TAS2R1: variants seen among roughly 807,000 people sequenced by gnomAD.
The protein encoded by TAS2R1 is taste 2 receptor member 1, also known as taste receptor type 2 member 1.
For synonymous variants in TAS2R1, 141 were observed against 134.2 expected (o/e 1.05, Z -0.35); for missense variants, 370 against 353.4 (o/e 1.05, Z -0.38).
chr5:9,819,803 C>A, the TAS2R1 span, among the ~76,000 whole-genome samples: 2 of 152,130 alleles, frequency 1.3e-5, no homozygotes, highest in African/African-American at 4.8e-5. Flanking sequence ...TTTTCAGTTC[C>A]TTGCCATCTA....
chr5:9,753,094 T>G, the TAS2R1 span, among the ~76,000 whole-genome samples: 6 of 152,204 alleles, frequency 3.9e-5, no homozygotes, highest in African/African-American at 1.4e-4. Context: ...AAATGGTATT[T>G]CTAGTTCTAG....
the TAS2R1 span, among the ~76,000 whole-genome samples, chr5:9,751,745 T>G: frequency 2.0e-5 from 3 of 152,218 alleles, no homozygotes; most frequent in Non-Finnish European, 4.4e-5. Context: ...AACCAGTAAT[T>G]GTTATGCACA....
the TAS2R1 span, among the ~76,000 whole-genome samples, chr5:9,845,970 A>G: frequency 6.6e-6 from 1 of 152,260 alleles, no homozygotes; most frequent in African/African-American, 2.4e-5. Flanking sequence ...AAAGGAATAA[A>G]TGAAAACATA....
chr5:9,895,626 C>T, the TAS2R1 span, among the ~76,000 whole-genome samples: 1 of 152,204 alleles, frequency 6.6e-6, no homozygotes, highest in Non-Finnish European at 1.5e-5. Flanking sequence ...GGACAATAAC[C>T]ATCAGAGATC....
the TAS2R1 span, among the ~76,000 whole-genome samples, chr5:9,902,292 T>A: frequency 1.3e-5 from 2 of 152,088 alleles, no homozygotes. Flanking sequence ...ACTACCACAC[T>A]GTGGACATGT....
At chr5:9,667,041 A>T (rs1740648705) in intron 1 of TAS2R1, among the ~76,000 whole-genome samples, 1 of 152,204 alleles carries the variant, frequency 6.6e-6, no homozygotes, top group Admixed American at 6.5e-5. Flanking sequence ...CCAAAATAAA[A>T]CTACATGAGA....
At chr5:9,712,605 C>T (rs1261457507), upstream of TAS2R1, among the ~76,000 whole-genome samples, 1 of 152,188 alleles carries the variant, frequency 6.6e-6, no homozygotes, top group East Asian at 1.9e-4. Context: ...ATGTGGAATT[C>T]AGACTCCAGA....
At chr5:9,879,105 C>T in the TAS2R1 span, among the ~76,000 whole-genome samples, 2 of 152,212 alleles carry the variant, frequency 1.3e-5, no homozygotes, top group Non-Finnish European at 2.9e-5. Context: ...AGGAACTTGC[C>T]TTGGGGCATG....
the TAS2R1 span, among the ~76,000 whole-genome samples, chr5:9,766,663 G>A: frequency 3.3e-5 from 5 of 152,296 alleles, no homozygotes; most frequent in South Asian, 6.2e-4. Context: ...GAGGTGTTCC[G>A]AATGTGGGCC....
rs60468624 is a variant in TAS2R1 at position 9,650,666 on chromosome 5, T to C, written c.-81+8755A>G. Among the ~76,000 whole-genome samples, 758 of 152,172 alleles carry C rather than the reference T, an allele frequency of 5.0e-3. 5 individuals carry two copies. The highest frequency in any genetic ancestry group is 0.018 in the African/African-American group (730 of 41,520). On this transcript the variant is annotated intron_variant, in intron 2 of 2. Coordinates refer to the TAS2R1 transcript ENST00000506620. ...ATGACCTCTCCTAATTCATCTCTATTTAAATTTCACTTCATCACAAAAGAC... is the reference window on the plus strand; with the variant it reads ...ATGACCTCTCCTAATTCATCTCTATCTAAATTTCACTTCATCACAAAAGAC...
At chr5:9,690,660 G>A (rs1468600822) in intron 1 of TAS2R1, among the ~76,000 whole-genome samples, 1 of 151,848 alleles carries the variant, frequency 6.6e-6, no homozygotes, top group African/African-American at 2.4e-5. Flanking sequence ...GTGTTGATAC[G>A]TACCCCTTGA....
At chr5:9,794,622 C>T in the TAS2R1 span, among the ~76,000 whole-genome samples, 161 of 152,252 alleles carry the variant, frequency 1.1e-3, no homozygotes, top group African/African-American at 3.7e-3. Flanking sequence ...AATTGAGCCT[C>T]TATTTAAACA....
Position 9,657,356 on chromosome 5 carries a change from A to G in TAS2R1, c.-81+2065T>C, listed in dbSNP as rs944033349. Among the ~76,000 whole-genome samples the G allele has an allele frequency of 3.3e-5, 5 of 152,230 alleles. No homozygotes were observed. The South Asian group carries it at 1.0e-3, about 32-fold the overall frequency. The stretch of plus-strand genomic sequence containing the variant: ...CTGTTCCACTCAGGATTAAAATTAA[A>G]GCAATTAGCTTAGTTAGATCCTTTT... On this transcript the variant is annotated intron_variant, in intron 2 of 2. Coordinates refer to the TAS2R1 transcript ENST00000506620.
the TAS2R1 span, among the ~76,000 whole-genome samples, chr5:9,774,709 G>T: frequency 6.6e-6 from 1 of 152,344 alleles, no homozygotes; most frequent in East Asian, 1.9e-4. Context: ...TGCCTTTGTG[G>T]TCTTGGATAA....
chr5:9,643,789 G>A (rs1740131834), intron 2 of TAS2R1, among the ~76,000 whole-genome samples: 1 of 152,142 alleles, frequency 6.6e-6, no homozygotes, highest in Admixed American at 6.6e-5. Flanking sequence ...ACTGTAGTGG[G>A]GAAGAGGAGA....
chr5:9,816,991 T>C, the TAS2R1 span, among the ~76,000 whole-genome samples: 4 of 152,192 alleles, frequency 2.6e-5, no homozygotes, highest in Non-Finnish European at 5.9e-5. Flanking sequence ...AGGTAGTATT[T>C]TTATAATAAA....
chr5:9,836,116 G>C, the TAS2R1 span, among the ~76,000 whole-genome samples: 2 of 152,072 alleles, frequency 1.3e-5, no homozygotes, highest in Middle Eastern at 3.4e-3. Context: ...TTTTAAAAAG[G>C]GGAGTTTCCC....
At chr5:9,781,556 G>A in the TAS2R1 span, among the ~76,000 whole-genome samples, 1 of 152,174 alleles carries the variant, frequency 6.6e-6, no homozygotes, top group Admixed American at 6.5e-5. Flanking sequence ...CACAGTCCCT[G>A]CCCAGGAGGC....
At chr5:9,791,762 T>G in the TAS2R1 span, among the ~76,000 whole-genome samples, 1 of 152,274 alleles carries the variant, frequency 6.6e-6, no homozygotes, top group East Asian at 1.9e-4. Context: ...CAAGATTCAT[T>G]TGGTTTAGGG....
Sources: gnomAD v4.1 joint callset for allele counts (sites outside exome capture counted in the v4.1 genomes callset) on GRCh38, gnomAD v4.1.1 for gene constraint, MANE v1.5 for transcripts, NCBI Gene and HGNC (gene_info 2026-07-23, HGNC 2026-07-21) for gene names.